Variants in NIPAL3 observed in about 807,000 individuals in gnomAD.
NIPAL3 encodes the protein NIPA like domain containing 3.
Under a neutral mutation model 47.2 loss-of-function variants are expected in NIPAL3, and 41 were observed. That is an observed-to-expected ratio of 0.87 (90% CI 0.68 to 1.13). The LOEUF is 1.13. Among genes scored for constraint, NIPAL3 ranks in the 50% most tolerant of loss-of-function variants. The probability of loss-of-function intolerance (pLI) is 0.00; values close to 1 mark genes in which losing one functional copy is unlikely to be tolerated. For missense variants in NIPAL3, 449 were observed against 530.1 expected (o/e 0.85, Z 1.50); for synonymous variants, 194 against 209.6 (o/e 0.93, Z 0.64).
chr1:24,419,279 C>A lies in NIPAL3; in HGVS notation c.-257-12C>A. 1 of 1,136,754 alleles carries A rather than the reference C, an allele frequency of 8.8e-7. No individual in the cohort carries two copies. Among genetic ancestry groups the A allele is most frequent in the Non-Finnish European group, 1.1e-6 (1 of 926,718 alleles). 70.4% of individuals were successfully genotyped at this position (1,136,754 alleles called of 1,614,324 possible). A position where few individuals can be genotyped will look rare whatever the true frequency, so the allele number is the denominator to read the frequency against. ...GTCCATGCATTTTTAATGTTCCTCT[C>A]CACCACCCTAGAGCACCGCAAGAAC... On this transcript the variant is annotated splice_polypyrimidine_tract_variant and intron_variant, in intron 1 of 11. Coordinates refer to ENST00000374399, the MANE Select transcript of NIPAL3 (RefSeq NM_020448.5).
At chr1:24,467,050 A>T (rs1646727703) in intron 11 of NIPAL3, among the ~76,000 whole-genome samples, 1 of 152,176 alleles carries the variant, frequency 6.6e-6, no homozygotes, top group Non-Finnish European at 1.5e-5. Flanking sequence ...TGGGCAAGTT[A>T]CTTCACCTCT....
In NIPAL3 at chr1:24,440,028, G is replaced by A. The variant is rs899777350; in HGVS notation, c.94-144G>A. ...ATTAACCTTCAGTAGTAACATTCCA[G>A]TTGTGGGTCTGGAGTGTGGCTTTGT... On this transcript the variant is annotated intron_variant, in intron 2 of 11. Coordinates refer to ENST00000374399, the MANE Select transcript of NIPAL3 (RefSeq NM_020448.5). 2.2e-5 allele frequency: 11 copies of A among 492,888 alleles called. No individual in the cohort carries two copies. The East Asian group carries it at 3.1e-4, about 14-fold the overall frequency. 30.5% of individuals were successfully genotyped at this position (492,888 alleles called of 1,614,324 possible). A position where few individuals can be genotyped will look rare whatever the true frequency, so the allele number is the denominator to read the frequency against.
At chr1:24,415,578 G>A (rs1329585190), upstream of NIPAL3, 1 of 152,418 alleles carries the variant, frequency 6.6e-6, no homozygotes. Flanking sequence ...TGGCCGCTAG[G>A]GGGTCCCCGC....
rs554606989 is a variant in NIPAL3, at chr1:24,466,123, G to A, written c.1021+2003G>A. 42 of 1,596,256 alleles carry A rather than the reference G, an allele frequency of 2.6e-5. No homozygotes were observed. The African/African-American group carries it at 5.0e-4, about 19-fold the overall frequency. On this transcript the variant is annotated intron_variant, in intron 11 of 11. Coordinates refer to ENST00000374399, the MANE Select transcript of NIPAL3 (RefSeq NM_020448.5). ...AGCACCTGAAAGACTTCTTAAAAAT[G>A]AGATCGAGAAACAGCCCCTGACCTC... is the stretch of plus-strand genomic sequence containing the variant.
At chr1:24,424,680 A>G (rs1305586418) in intron 2 of NIPAL3, among the ~76,000 whole-genome samples, 1 of 152,198 alleles carries the variant, frequency 6.6e-6, no homozygotes, top group African/African-American at 2.4e-5. Context: ...TGGGGCTTGG[A>G]AGGTTCTAGA....
chr1:24,416,375 TGGCA>T lies in NIPAL3; in HGVS notation c.-258+474_-258+477del, dbSNP rs1644033964. The T allele has an allele frequency of 1.0e-6, 1 of 978,180 alleles. No individual in the cohort carries two copies. Among genetic ancestry groups the T allele is most frequent in the African/African-American group, 1.7e-5 (1 of 57,156 alleles). 60.6% of individuals were successfully genotyped at this position (978,180 alleles called of 1,614,324 possible). On this transcript the variant is annotated intron_variant, in intron 1 of 11. Coordinates refer to ENST00000374399, the MANE Select transcript of NIPAL3 (RefSeq NM_020448.5). The surrounding 1 kb of genome is among the most constrained non-coding windows in gnomAD (Gnocchi z 4.8). ...AGCCAAAGCCGAGGAACGGGAAGCTTGGCAGGGAACTGGCGCTCACCTCCAGAAG... is the reference window on the plus strand; with the variant it reads ...AGCCAAAGCCGAGGAACGGGAAGCTTGGGAACTGGCGCTCACCTCCAGAAG...
chr1:24,466,069 C>T (rs769102370), intron 11 of NIPAL3: 2 of 1,611,976 alleles, frequency 1.2e-6, no homozygotes, highest in African/African-American at 2.7e-5. Context: ...TTTACCACAT[C>T]ACAATTTGGA....
intron 4 of NIPAL3, among the ~76,000 whole-genome samples, chr1:24,444,435 T>G (rs1006951110): frequency 1.3e-5 from 2 of 152,186 alleles, no homozygotes; most frequent in African/African-American, 4.8e-5. Context: ...GGTATAGACA[T>G]TATCACTCCC....
At chr1:24,428,258 A>G (rs375693351) in intron 2 of NIPAL3, among the ~76,000 whole-genome samples, 203 of 119,584 alleles carry the variant, frequency 1.7e-3, no homozygotes, top group African/African-American at 1.9e-3. Flanking sequence ...CTCAAAAAGA[A>G]AGAGAGAGAG....
chr1:24,455,329 CAG>C (rs1326556899), intron 7 of NIPAL3, among the ~76,000 whole-genome samples: 2 of 152,200 alleles, frequency 1.3e-5, no homozygotes, highest in Non-Finnish European at 2.9e-5. Flanking sequence ...GCTGGGTACA[CAG>C]AGAGAATATT....
chr1:24,437,290 T>C (rs1482924272), intron 2 of NIPAL3, among the ~76,000 whole-genome samples: 1 of 152,198 alleles, frequency 6.6e-6, no homozygotes, highest in Non-Finnish European at 1.5e-5. Flanking sequence ...TATTTGTAAA[T>C]ACAATTTGTT....
chr1:24,427,669 A>C (rs1338569407), intron 2 of NIPAL3, among the ~76,000 whole-genome samples: 1 of 152,208 alleles, frequency 6.6e-6, no homozygotes, highest in Non-Finnish European at 1.5e-5. Flanking sequence ...AGTCAGGCTT[A>C]GATGCTAAAA....
chr1:24,469,183 T>A lies in NIPAL3; in HGVS notation c.1219T>A (p.Ter407ArgextTer75). Residue 407 changes from the stop codon to arginine, a stop_lost, in exon 12 of 12, where the codon TGA (stop) becomes AGA (arginine). Coordinates refer to ENST00000374399, the MANE Select transcript of NIPAL3 (RefSeq NM_020448.5). ...AGTCCTAGAGCACACCAAGAAGGAA[T>A]GAGACTCGCCTCCCTCTATTTATAA... is the stretch of plus-strand genomic sequence containing the variant. Reference protein sequence around the residue: ...YRVLEHTKKE* With the variant: ...YRVLEHTKKER The A allele has an allele frequency of 6.2e-7, 1 of 1,613,068 alleles. No individual in the cohort carries two copies. The highest frequency in any genetic ancestry group is 1.1e-5 in the South Asian group (1 of 91,064).
At chr1:24,468,175 C>T (rs1359207634) in intron 11 of NIPAL3, among the ~76,000 whole-genome samples, 1 of 151,934 alleles carries the variant, frequency 6.6e-6, no homozygotes, top group Non-Finnish European at 1.5e-5. Context: ...ATTAGCCAGG[C>T]ATGGTGGCAT....
chr1:24,436,525 G>A (rs1258134394), intron 2 of NIPAL3, among the ~76,000 whole-genome samples: 1 of 148,350 alleles, frequency 6.7e-6, no homozygotes, highest in Non-Finnish European at 1.5e-5. Flanking sequence ...TTTCACTCTT[G>A]TCACCCAGGC....
intron 7 of NIPAL3, among the ~76,000 whole-genome samples, chr1:24,455,349 C>A (rs762996336): frequency 6.6e-6 from 1 of 152,208 alleles, no homozygotes; most frequent in East Asian, 1.9e-4. Flanking sequence ...ATTAGAACTT[C>A]AATCATTTTT....
chr1:24,442,196 A>T lies in NIPAL3; in HGVS notation c.304A>T (p.Ile102Phe). ...ASYAFAPLSL[I>F]VPLSAVSVIA... ...CTACGCCTTCGCGCCGCTGTCACTCATCGTGCCCCTCAGCGCAGTTTCTGT... is the reference window on the plus strand; with the variant it reads ...CTACGCCTTCGCGCCGCTGTCACTCTTCGTGCCCCTCAGCGCAGTTTCTGT... Residue 102 changes from isoleucine to phenylalanine, a missense_variant, in exon 4 of 12, where the codon ATC becomes TTC. By Grantham distance (21) the Ile-to-Phe change is conservative. Transcript: ENST00000374399. 1 of 1,614,054 alleles carries T rather than the reference A, an allele frequency of 6.2e-7. No individual in the cohort carries two copies. Among genetic ancestry groups the T allele is most frequent in the Non-Finnish European group, 8.5e-7 (1 of 1,180,000 alleles).
Position 24,454,129 on chromosome 1 carries a change from T to C in NIPAL3, c.637+625T>C, listed in dbSNP as rs1189826129. ...GCAGCCTTGACCTCCTGGCCTCAAG[T>C]GATCCCCCTGCCTCGGCCTCCCAAA... On this transcript the variant is annotated intron_variant, in intron 7 of 11. Coordinates refer to ENST00000374399, the MANE Select transcript of NIPAL3 (RefSeq NM_020448.5). This position sits in a 1 kb window ranked among gnomAD's most constrained non-coding sequence, Gnocchi z 4.1. 1.2e-5 allele frequency: 15 copies of C among 1,227,820 alleles called. No homozygotes were observed. In the South Asian group the frequency reaches 1.9e-4, roughly 15 times the overall value. 76.1% of individuals were successfully genotyped at this position (1,227,820 alleles called of 1,614,324 possible).
chr1:24,464,886 A>G (rs1472285594), intron 11 of NIPAL3: 1 of 152,166 alleles, frequency 6.6e-6, no homozygotes, highest in Non-Finnish European at 1.5e-5. Flanking sequence ...CAAAATATAA[A>G]CACACTGATG....
Sources: gnomAD v4.1 joint callset for allele counts (sites outside exome capture counted in the v4.1 genomes callset) on GRCh38, gnomAD v4.1.1 for gene constraint, Gnocchi (gnomAD v3.1) non-coding constraint, MANE v1.5 for transcripts, NCBI Gene and HGNC (gene_info 2026-07-23, HGNC 2026-07-21) for gene names.